ALK: variants seen among roughly 807,000 people sequenced by gnomAD.
ALK encodes the protein ALK receptor tyrosine kinase.
ALK carries 74 observed loss-of-function variants against 163.1 expected under a neutral mutation model. The ratio of observed to expected loss-of-function variants is 0.45; its 90% CI spans 0.38 to 0.55. ALK has a LOEUF of 0.55. ALK is among the 20% of genes least tolerant of loss of function. The pLI is 0.00. For synonymous variants in ALK, 960 were observed against 843.2 expected (o/e 1.14, Z -2.40); for missense variants, 2,063 against 2,105.3 (o/e 0.98, Z 0.39).
chr2:29,475,837 G>A (rs112668755), intron 4 of ALK, among the ~76,000 whole-genome samples: 1 of 150,984 alleles, frequency 6.6e-6, no homozygotes, highest in African/African-American at 2.4e-5. Context: ...AGTGCCTGAA[G>A]AGGAATTGTG....
chr2:29,567,695 A>G (rs955138112), intron 3 of ALK, among the ~76,000 whole-genome samples: 2 of 151,876 alleles, frequency 1.3e-5, no homozygotes, highest in Admixed American at 6.6e-5. Flanking sequence ...CCACGTTTCC[A>G]CTCTCCAAGA....
intron 1 of ALK, among the ~76,000 whole-genome samples, chr2:29,777,259 T>C (rs1194487714): frequency 2.0e-5 from 3 of 152,216 alleles, no homozygotes; most frequent in South Asian, 2.1e-4. Context: ...TATTTTATTT[T>C]TGATTCTATG....
chr2:29,736,800 A>G (rs946412956), intron 1 of ALK, among the ~76,000 whole-genome samples: 6 of 152,158 alleles, frequency 3.9e-5, no homozygotes, highest in Non-Finnish European at 8.8e-5. Flanking sequence ...CACAGAAAAT[A>G]GAGTTAACAT....
chr2:29,279,394 T>C (rs1464476918), intron 9 of ALK, among the ~76,000 whole-genome samples: 1 of 152,090 alleles, frequency 6.6e-6, no homozygotes, highest in Non-Finnish European at 1.5e-5. Context: ...CCCCCATGGC[T>C]CCAGCCCCCA....
chr2:29,481,364 A>G (rs1671655615), intron 4 of ALK, among the ~76,000 whole-genome samples: 1 of 152,260 alleles, frequency 6.6e-6, no homozygotes, highest in Non-Finnish European at 1.5e-5. Context: ...GCAATGTGGA[A>G]GGGAAGACAA....
intron 8 of ALK, among the ~76,000 whole-genome samples, chr2:29,298,159 A>G (rs977628752): frequency 1.3e-5 from 2 of 152,170 alleles, no homozygotes; most frequent in African/African-American, 4.8e-5. Context: ...ATAAGGTCAC[A>G]CCAGGGCATT....
At chr2:29,251,627 C>A (rs1045807263) in intron 11 of ALK, among the ~76,000 whole-genome samples, 2 of 152,186 alleles carry the variant, frequency 1.3e-5, no homozygotes, top group Admixed American at 1.3e-4. Context: ...GGGGAGAAGG[C>A]CCCTGCAGGT....
At chr2:29,820,089 C>A (rs779415133) in intron 1 of ALK, among the ~76,000 whole-genome samples, 1 of 152,164 alleles carries the variant, frequency 6.6e-6, no homozygotes, top group African/African-American at 2.4e-5. Context: ...TCTGTGAAAG[C>A]GAGCCAGCCT....
chr2:29,632,427 T>C (rs1339556952), intron 3 of ALK, among the ~76,000 whole-genome samples: 1 of 152,090 alleles, frequency 6.6e-6, no homozygotes, highest in African/African-American at 2.4e-5. Flanking sequence ...TATGGTTAAA[T>C]TTAAGAGATA....
intron 3 of ALK, among the ~76,000 whole-genome samples, chr2:29,678,670 T>C (rs896542846): frequency 6.6e-6 from 1 of 151,450 alleles, no homozygotes; most frequent in African/African-American, 2.4e-5. Flanking sequence ...TTTTTAAATT[T>C]TACTTGCATA....
intron 3 of ALK, among the ~76,000 whole-genome samples, chr2:29,587,165 G>A (rs1029522279): frequency 6.6e-6 from 1 of 152,222 alleles, no homozygotes; most frequent in Non-Finnish European, 1.5e-5. Context: ...GGAGGGGTAG[G>A]ATATTCTCAT....
intron 3 of ALK, among the ~76,000 whole-genome samples, chr2:29,693,300 A>C (rs1678455269): frequency 6.6e-6 from 1 of 152,110 alleles, no homozygotes; most frequent in South Asian, 2.1e-4. Flanking sequence ...CGTAGTCTCC[A>C]TCTCAGATCT....
Position 29,830,319 on chromosome 2 carries a change from T to C in ALK, c.667+89674A>G, listed in dbSNP as rs569739013. Reference sequence around the variant, plus strand: ...AAAAGTAGGGTTGTTGCTAACGTAATCTAGGAGAAAAATCATTGGTCAATT... The same window carrying C: ...AAAAGTAGGGTTGTTGCTAACGTAACCTAGGAGAAAAATCATTGGTCAATT... On this transcript the variant is annotated intron_variant, in intron 1 of 28. Coordinates refer to ENST00000389048, the MANE Select transcript of ALK (RefSeq NM_004304.5). 6.3e-4 allele frequency among the ~76,000 whole-genome samples: 96 copies of C among 152,252 alleles called. 1 individual carries two copies. The highest frequency in any genetic ancestry group is 2.2e-3 in the African/African-American group (91 of 41,542).
At chr2:29,769,658 A>G (rs72786256) in intron 1 of ALK, among the ~76,000 whole-genome samples, 2,314 of 152,338 alleles carry the variant, frequency 0.015, 26 homozygotes, top group Non-Finnish European at 0.023. Context: ...CGCTTCCTTC[A>G]GAGGTGTTCC....
At chr2:29,521,158 G>A (rs1007905953) in intron 4 of ALK, among the ~76,000 whole-genome samples, 6 of 152,236 alleles carry the variant, frequency 3.9e-5, no homozygotes, top group African/African-American at 1.4e-4. Flanking sequence ...CTCCCATTAT[G>A]TGTGCATCAT....
chr2:29,493,873 G>C (rs1358552076), intron 4 of ALK, among the ~76,000 whole-genome samples: 2 of 152,224 alleles, frequency 1.3e-5, no homozygotes, highest in African/African-American at 4.8e-5. Context: ...TGCAAGGCCA[G>C]GACTGTCAGG....
chr2:29,662,601 G>T (rs2631978), intron 3 of ALK, among the ~76,000 whole-genome samples: 4 of 152,174 alleles, frequency 2.6e-5, no homozygotes, highest in East Asian at 1.9e-4. Flanking sequence ...GATCATTAGG[G>T]GTGCTGGCTC....
At chr2:29,909,370 A>C (rs1355475414) in intron 1 of ALK, among the ~76,000 whole-genome samples, 1 of 152,152 alleles carries the variant, frequency 6.6e-6, no homozygotes, top group Non-Finnish European at 1.5e-5. Flanking sequence ...CAGTGACTTG[A>C]GGTCATAGAG....
At chr2:29,862,117 T>C (rs1468876067) in intron 1 of ALK, among the ~76,000 whole-genome samples, 1 of 151,908 alleles carries the variant, frequency 6.6e-6, no homozygotes, top group African/African-American at 2.4e-5. Flanking sequence ...ATAGAAGGAA[T>C]GTACCTCAAC....
Sources: allele counts gnomAD v4.1 joint callset (sites outside exome capture counted in the v4.1 genomes callset), GRCh38; gene constraint gnomAD v4.1.1; transcripts MANE v1.5; gene names NCBI Gene and HGNC (gene_info 2026-07-23, HGNC 2026-07-21).